Variants in KCNH1 observed in about 807,000 individuals in gnomAD.
The protein encoded by KCNH1 is potassium voltage-gated channel subfamily H member 1.
KCNH1 carries 27 observed loss-of-function variants against 69.2 expected under a neutral mutation model. The observed-to-expected ratio is 0.39, with a 90% CI of 0.29 to 0.54. KCNH1 has a LOEUF of 0.54. Among genes scored for constraint, KCNH1 ranks in the 20% least tolerant of loss-of-function variants. KCNH1 has a pLI of 0.68. For synonymous variants in KCNH1, 456 were observed against 487.7 expected, an observed-to-expected ratio of 0.93 and a Z score of 0.86; for missense variants, 798 against 1,261.6, an observed-to-expected ratio of 0.63 and a Z score of 5.57.
intron 5 of KCNH1, among the ~76,000 whole-genome samples, chr1:211,072,714 AATTTT>A (rs1553376885): frequency 6.6e-6 from 1 of 152,176 alleles, no homozygotes; most frequent in Non-Finnish European, 1.5e-5. Context: ...CTGAAAAAAA[AATTTT>A]TTTTGCATTT....
chr1:210,784,274 T>A (rs751636439), intron 9 of KCNH1, among the ~76,000 whole-genome samples: 5 of 152,238 alleles, frequency 3.3e-5, no homozygotes, highest in Admixed American at 6.5e-5. Flanking sequence ...CCATCTCTTA[T>A]CTGTAGTAAA....
Position 210,948,600 on chromosome 1 carries a change from C to T in KCNH1, c.1033-28531G>A, listed in dbSNP as rs371558413. Among the ~76,000 whole-genome samples, 35 of 152,030 alleles carry T rather than the reference C, an allele frequency of 2.3e-4. No individual in the cohort carries two copies. In the East Asian group the frequency reaches 6.2e-3, roughly 27 times the overall value. On this transcript the variant is annotated intron_variant, in intron 6 of 10. Coordinates refer to ENST00000271751, the MANE Select transcript of KCNH1 (RefSeq NM_172362.3). ...ATCCCAGCACTTTGGGAGGCTGAGG[C>T]GGGCGGATCACAAGGTCAGGAGATC...
chr1:210,700,129 C>A (rs1681737435), intron 10 of KCNH1, among the ~76,000 whole-genome samples: 2 of 152,128 alleles, frequency 1.3e-5, no homozygotes, highest in Non-Finnish European at 1.5e-5. Context: ...AAGTGATGAG[C>A]CACCCAAGAT....
intron 6 of KCNH1, among the ~76,000 whole-genome samples, chr1:210,972,417 T>C (rs1688525760): frequency 6.6e-6 from 1 of 152,172 alleles, no homozygotes; most frequent in Admixed American, 6.6e-5. Flanking sequence ...TTGTTGGTCT[T>C]CATGCAGAAA....
At chr1:210,833,473 C>G (rs1451936216) in intron 7 of KCNH1, among the ~76,000 whole-genome samples, 1 of 152,122 alleles carries the variant, frequency 6.6e-6, no homozygotes, top group Non-Finnish European at 1.5e-5. Context: ...GGAAAACTGG[C>G]TAGCCATATG....
At chr1:211,076,714 C>T (rs570293671) in intron 5 of KCNH1, among the ~76,000 whole-genome samples, 81 of 152,214 alleles carry the variant, frequency 5.3e-4, no homozygotes, top group Non-Finnish European at 9.6e-4. Context: ...TCCAAAGGAT[C>T]GCAGCTCCTC....
intron 6 of KCNH1, among the ~76,000 whole-genome samples, chr1:210,996,707 T>A (rs1198891509): frequency 6.6e-6 from 1 of 152,238 alleles, no homozygotes; most frequent in African/African-American, 2.4e-5. Flanking sequence ...CCTTGACCCC[T>A]GAGCAGCCTA....
intron 10 of KCNH1, among the ~76,000 whole-genome samples, chr1:210,692,541 C>G (rs1227223956): frequency 6.6e-6 from 1 of 152,166 alleles, no homozygotes; most frequent in Non-Finnish European, 1.5e-5. Flanking sequence ...CCACTCAGAA[C>G]TTCAGAAGGT....
chr1:210,813,634 T>C (rs1684755174), intron 7 of KCNH1, among the ~76,000 whole-genome samples: 1 of 152,242 alleles, frequency 6.6e-6, no homozygotes, highest in Non-Finnish European at 1.5e-5. Context: ...AGTGTGAGGA[T>C]AGTGTTTATA....
At chr1:210,707,521 A>G (rs904780786) in intron 10 of KCNH1, among the ~76,000 whole-genome samples, 1 of 152,152 alleles carries the variant, frequency 6.6e-6, no homozygotes, top group Non-Finnish European at 1.5e-5. Flanking sequence ...TGTTTTTTAT[A>G]TGGTCAATAA....
intron 10 of KCNH1, among the ~76,000 whole-genome samples, chr1:210,750,957 C>A: frequency 6.6e-6 from 1 of 152,196 alleles, no homozygotes; most frequent in East Asian, 1.9e-4. Context: ...GTTCTGGCAC[C>A]TAGTCCAGGG....
At chr1:210,810,325 C>T (rs768646203) in intron 7 of KCNH1, among the ~76,000 whole-genome samples, 31 of 152,250 alleles carry the variant, frequency 2.0e-4, no homozygotes, top group Non-Finnish European at 2.2e-4. Flanking sequence ...TCTCTAGAAA[C>T]GCTTTCTACA....
chr1:211,034,560 T>C (rs1210292084), intron 5 of KCNH1, among the ~76,000 whole-genome samples: 6 of 152,136 alleles, frequency 3.9e-5, no homozygotes. Flanking sequence ...TTGCAGGCAA[T>C]TACCATCAGG....
intron 7 of KCNH1, among the ~76,000 whole-genome samples, chr1:210,878,642 G>C (rs1686431972): frequency 6.6e-6 from 1 of 152,008 alleles, no homozygotes; most frequent in African/African-American, 2.4e-5. Flanking sequence ...ACAGTGCATA[G>C]AGGAAAATTT....
At chr1:210,901,680 C>G (rs536361675) in intron 7 of KCNH1, among the ~76,000 whole-genome samples, 1 of 152,252 alleles carries the variant, frequency 6.6e-6, no homozygotes, top group South Asian at 2.1e-4. Flanking sequence ...GGCATGGGGC[C>G]TGGGAGCTGG....
intron 6 of KCNH1, among the ~76,000 whole-genome samples, chr1:210,989,976 A>G (rs561537217): frequency 2.6e-5 from 4 of 152,214 alleles, no homozygotes; most frequent in Non-Finnish European, 5.9e-5. Flanking sequence ...TGTTATGAAC[A>G]TGCTGCACTG....
At chr1:210,972,996 G>A (rs1156796753) in intron 6 of KCNH1, among the ~76,000 whole-genome samples, 2 of 150,952 alleles carry the variant, frequency 1.3e-5, no homozygotes, top group African/African-American at 4.9e-5. Flanking sequence ...TTTGTCATGA[G>A]GCATCCATCA....
intron 7 of KCNH1, among the ~76,000 whole-genome samples, chr1:210,835,777 T>A (rs552650721): frequency 2.6e-4 from 39 of 152,236 alleles, no homozygotes; most frequent in African/African-American, 9.4e-4. Flanking sequence ...AGAGGACAAT[T>A]GAACAGGGCT....
intron 5 of KCNH1, among the ~76,000 whole-genome samples, chr1:211,058,948 A>G (rs1690367353): frequency 1.3e-5 from 2 of 152,230 alleles, no homozygotes; most frequent in African/African-American, 4.8e-5. Context: ...AGCTATACTT[A>G]TATCGGACTA....
Sources: gnomAD v4.1 joint callset for allele counts (sites outside exome capture counted in the v4.1 genomes callset) on GRCh38, gnomAD v4.1.1 for gene constraint, MANE v1.5 for transcripts, NCBI Gene and HGNC (gene_info 2026-07-23, HGNC 2026-07-21) for gene names.